PDE10A: variants seen among roughly 807,000 people sequenced by gnomAD.
The protein encoded by PDE10A is cAMP and cAMP-inhibited cGMP 3',5'-cyclic phosphodiesterase 10A.
Under a neutral mutation model 97.7 loss-of-function variants are expected in PDE10A, and 39 were observed. That is an observed-to-expected ratio of 0.40 (90% CI 0.31 to 0.52). The LOEUF (loss-of-function observed/expected upper bound fraction) is 0.52. Ranked by LOEUF, PDE10A falls within the 20% of genes least tolerant of loss-of-function variation. The pLI, the probability that PDE10A is intolerant of heterozygous loss-of-function variation, is 0.56. For missense variants in PDE10A, 731 were observed against 1,047.8 expected, an observed-to-expected ratio of 0.70 and a Z score of 4.17; for synonymous variants, 371 against 376.8, an observed-to-expected ratio of 0.98 and a Z score of 0.18.
At chr6:165,578,647 T>C (rs943800) in intron 1 of PDE10A, among the ~76,000 whole-genome samples, 91,674 of 143,808 alleles carry the variant, frequency 0.64, 31,753 homozygotes, top group Non-Finnish European at 0.79. Flanking sequence ...TCCTACTAAA[T>C]GCATTTACCC....
At chr6:165,381,593 T>C (rs1265814145) in intron 17 of PDE10A, among the ~76,000 whole-genome samples, 1 of 150,908 alleles carries the variant, frequency 6.6e-6, no homozygotes, top group Non-Finnish European at 1.5e-5. Context: ...GCCTCTAGAG[T>C]AGCTGGGATT....
Position 165,619,418 on chromosome 6 carries a change from T to G in PDE10A, c.865+42529A>C, listed in dbSNP as rs867216280. On this transcript the variant is annotated intron_variant, in intron 1 of 21. Transcript: ENST00000539869. Reference sequence around the variant, plus strand: ...TGTAGTGTAGTGTAGTCTAGTGTAGTGTAGTGTAGTATAGTGTAGTGTAGT... The same window carrying G: ...TGTAGTGTAGTGTAGTCTAGTGTAGGGTAGTGTAGTATAGTGTAGTGTAGT... Among the ~76,000 whole-genome samples, 176 of 104,950 alleles carry G rather than the reference T, an allele frequency of 1.7e-3. 1 individual carries two copies. The highest frequency in any genetic ancestry group is 2.2e-3 in the Non-Finnish European group (115 of 52,906). The allele number at this position is 104,950 out of a possible 152,430, so 68.9% of individuals were successfully genotyped here.
chr6:165,549,404 A>C (rs1045050076), intron 1 of PDE10A, among the ~76,000 whole-genome samples: 1 of 152,136 alleles, frequency 6.6e-6, no homozygotes, highest in Non-Finnish European at 1.5e-5. Context: ...GGCTCACTGC[A>C]AGCTCCGCCT....
At chr6:165,464,221 T>G (rs1778503946) in intron 3 of PDE10A, among the ~76,000 whole-genome samples, 1 of 152,136 alleles carries the variant, frequency 6.6e-6, no homozygotes. Flanking sequence ...CACATAGGTA[T>G]GTGTAAGCTG....
chr6:165,764,908 G>T (rs187938281), intron 1 of PDE10A, among the ~76,000 whole-genome samples: 1 of 152,132 alleles, frequency 6.6e-6, no homozygotes, highest in Non-Finnish European at 1.5e-5. Context: ...TGGTAGAGCC[G>T]AGTGGTCTGT....
chr6:165,525,874 T>C (rs944864949), intron 2 of PDE10A, among the ~76,000 whole-genome samples: 13 of 152,128 alleles, frequency 8.5e-5, no homozygotes, highest in African/African-American at 2.9e-4. Flanking sequence ...GTGAAACTGA[T>C]AGGAAGTCTA....
intron 1 of PDE10A, among the ~76,000 whole-genome samples, chr6:165,638,027 G>A (rs11964907): frequency 0.017 from 2,623 of 152,080 alleles, 89 homozygotes; most frequent in African/African-American, 0.059. Context: ...CTCGCCTGCC[G>A]TTAGCAGATG....
intron 1 of PDE10A, among the ~76,000 whole-genome samples, chr6:165,603,697 C>T (rs1787076056): frequency 1.3e-5 from 2 of 152,202 alleles, no homozygotes; most frequent in Non-Finnish European, 2.9e-5. Context: ...AGCGACTTCA[C>T]CACAGTCATG....
At chr6:165,945,629 G>A (rs567952083) in intron 1 of PDE10A, among the ~76,000 whole-genome samples, 1 of 152,162 alleles carries the variant, frequency 6.6e-6, no homozygotes, top group Non-Finnish European at 1.5e-5. Flanking sequence ...AACACAGCAC[G>A]GAGGTGCCAT....
chr6:165,815,269 A>C (rs1471933935), intron 1 of PDE10A, among the ~76,000 whole-genome samples: 1 of 152,200 alleles, frequency 6.6e-6, no homozygotes, highest in Non-Finnish European at 1.5e-5. Flanking sequence ...TCCCACTACA[A>C]TGTGCAGAGT....
intron 1 of PDE10A, among the ~76,000 whole-genome samples, chr6:165,798,742 C>T (rs1377603563): frequency 1.3e-5 from 2 of 152,170 alleles, no homozygotes; most frequent in East Asian, 3.9e-4. Context: ...TAGACAGAGT[C>T]TCACTCTGTT....
Position 165,619,386 on chromosome 6 carries a change from A to AGT in PDE10A, c.865+42559_865+42560dup, listed in dbSNP as rs1370862535. On this transcript the variant is annotated intron_variant, in intron 1 of 21. Transcript: ENST00000539869. ...AGTGTAGTGTGGTGTAGTGTAGTCT[A>AGT]GTATAGTGTAGTGTAGTGTAGTCTA... Among the ~76,000 whole-genome samples, 36 of 121,938 alleles carry AGT rather than the reference A, an allele frequency of 3.0e-4. 1 individual carries two copies. Among genetic ancestry groups the AGT allele is most frequent in the East Asian group, 4.8e-4 (2 of 4,200 alleles). 80.0% of individuals were successfully genotyped at this position (121,938 alleles called of 152,430 possible). A position where few individuals can be genotyped will look rare whatever the true frequency, so the allele number is the denominator to read the frequency against.
chr6:165,454,278 G>A (rs1410955574), intron 3 of PDE10A, among the ~76,000 whole-genome samples: 2 of 152,272 alleles, frequency 1.3e-5, no homozygotes, highest in East Asian at 3.9e-4. Flanking sequence ...ACCTGATTTA[G>A]ATGAGACCCT....
intron 1 of PDE10A, among the ~76,000 whole-genome samples, chr6:165,926,729 G>A (rs1782946259): frequency 6.6e-6 from 1 of 152,068 alleles, no homozygotes; most frequent in African/African-American, 2.4e-5. Context: ...AGACAGGCTG[G>A]GCTCCACTAT....
chr6:165,906,045 CT>C lies in PDE10A; in HGVS notation c.-615+81483del, dbSNP rs374349615. 1.0e-2 allele frequency among the ~76,000 whole-genome samples: 23 copies of C among 2,308 alleles called. 3 individuals carry two copies. The highest frequency in any genetic ancestry group is 0.033 in the East Asian group (2 of 60). The allele number at this position is 2,308 out of a possible 152,430, so 1.5% of individuals were successfully genotyped here. Reference sequence around the variant, plus strand: ...CCTCCCTTCCTTCCTTCCTTCCTTCCTTCCCTCCCTCCCTCCCTCCGTCCCT... The same window carrying C: ...CCTCCCTTCCTTCCTTCCTTCCTTCCTCCCTCCCTCCCTCCCTCCGTCCCT... On this transcript the variant is annotated intron_variant, in intron 1 of 19. Transcript: ENST00000366882.
At chr6:165,435,019 T>C (rs1789895748) in intron 6 of PDE10A, among the ~76,000 whole-genome samples, 2 of 152,238 alleles carry the variant, frequency 1.3e-5, no homozygotes, top group Non-Finnish European at 2.9e-5. Context: ...TGTACTGGCA[T>C]GTGTTGAAAT....
chr6:165,806,353 G>A (rs1374362444), intron 1 of PDE10A, among the ~76,000 whole-genome samples: 10 of 152,190 alleles, frequency 6.6e-5, no homozygotes, highest in African/African-American at 2.4e-4. Context: ...ATCATGTAGG[G>A]CTGGCTGCTC....
chr6:165,823,518 AT>A (rs1779637703), intron 1 of PDE10A, among the ~76,000 whole-genome samples: 3 of 92,690 alleles, frequency 3.2e-5, no homozygotes, highest in Non-Finnish European at 5.4e-5. Context: ...ATATATATAT[AT>A]ATATATGAAC....
intron 2 of PDE10A, among the ~76,000 whole-genome samples, chr6:165,497,425 TTA>T (rs1408237041): frequency 6.6e-6 from 1 of 152,180 alleles, no homozygotes; most frequent in Non-Finnish European, 1.5e-5. Flanking sequence ...ATATTTTATT[TTA>T]TAGAGATGAG....
Sources: gnomAD v4.1 joint callset for allele counts (sites outside exome capture counted in the v4.1 genomes callset) on GRCh38, gnomAD v4.1.1 for gene constraint, MANE v1.5 for transcripts, NCBI Gene and HGNC (gene_info 2026-07-23, HGNC 2026-07-21) for gene names.